ACBD4: variants seen among roughly 807,000 people sequenced by gnomAD.
ACBD4 encodes the protein acyl-CoA-binding domain-containing protein 4.
Under a neutral mutation model 46.0 loss-of-function variants are expected in ACBD4, and 41 were observed. That is an observed-to-expected ratio of 0.89 (90% CI 0.69 to 1.16). The LOEUF (loss-of-function observed/expected upper bound fraction) is 1.16. Among genes scored for constraint, ACBD4 ranks in the 50% most tolerant of loss-of-function variants. The probability of loss-of-function intolerance (pLI) is 0.00; values close to 1 mark genes in which losing one functional copy is unlikely to be tolerated. For missense variants in ACBD4, 393 were observed against 399.5 expected (o/e 0.98, Z 0.14); for synonymous variants, 162 against 155.9 (o/e 1.04, Z -0.29).
chr17:45,131,913 TG>T (rs200066244), upstream of ACBD4, among the ~76,000 whole-genome samples: 3,039 of 152,124 alleles, frequency 0.02, 46 homozygotes, highest in Middle Eastern at 0.058. Context: ...TAGATACTGC[TG>T]GGGAGCCGGA....
At chr17:45,137,635 G>C (rs2054945384) in intron 6 of ACBD4, 125 bp from the exon 7 acceptor site, 3 of 1,341,730 alleles carry the variant, frequency 2.2e-6, no homozygotes, top group Non-Finnish European at 3.2e-6. Context: ...CTGTGCCTCA[G>C]GTGTTGATAT....
rs756615556 is a variant in ACBD4, at chr17:45,137,376, G to C, written c.424G>C (p.Glu142Gln). 1.9e-6 allele frequency: 3 copies of C among 1,614,034 alleles called. No homozygotes were observed. Among genetic ancestry groups the C allele is most frequent in the East Asian group, 2.2e-5 (1 of 44,890 alleles). The change falls in exon 6 of 10, where the codon GAG becomes CAG. Residue 142 changes from glutamate to glutamine, a missense_variant. By Grantham distance (29) the Glu-to-Gln change is conservative. Transcript: ENST00000321854. ...GTGCTGTGTCTTGGCAGGTTGGAAA[G>C]AGCAGGTTGTGAATGGAGATGTTGG... The part of the protein sequence containing the change: ...TFLRRVTGWK[E>Q]QVVNGDVGAV...
chr17:45,142,805 C>T (rs2055376585), intron 9 of ACBD4: 1 of 154,350 alleles, frequency 6.5e-6, no homozygotes, highest in Non-Finnish European at 1.4e-5. Flanking sequence ...GACCACCTGC[C>T]TCGGCCTCCC....
intron 6 of ACBD4, 133 bp from the exon 7 acceptor site, chr17:45,137,627 G>C: frequency 1.5e-6 from 2 of 1,324,944 alleles, no homozygotes; most frequent in Non-Finnish European, 2.2e-6. Flanking sequence ...GCGCCCATCT[G>C]TGCCTCAGGT....
At chr17:45,132,373 G>A, upstream of ACBD4, 1 of 1,228,160 alleles carries the variant, frequency 8.1e-7, no homozygotes, top group Non-Finnish European at 1.0e-6. The surrounding 1 kb of genome is among the most constrained non-coding windows in gnomAD (Gnocchi z 4.6). Flanking sequence ...GGGCTCCTCG[G>A]GCGGGCGGCG....
intron 9 of ACBD4, among the ~76,000 whole-genome samples, chr17:45,139,648 C>G (rs573799448): frequency 1.3e-5 from 2 of 152,200 alleles, no homozygotes; most frequent in African/African-American, 2.4e-5. Flanking sequence ...CCGCTGGGTG[C>G]GAAACACTCA....
upstream of ACBD4, chr17:45,135,461 CA>C (rs962280845): frequency 5.3e-5 from 8 of 151,622 alleles, no homozygotes; most frequent in African/African-American, 1.9e-4. Flanking sequence ...CTATGTGCAC[CA>C]GGGGGCGCTG....
rs1049454890 is a variant in ACBD4 at position 45,138,139 on chromosome 17, A to G, written c.649+151A>G. The G allele has an allele frequency of 6.0e-6, 5 of 835,020 alleles. No individual in the cohort carries two copies. In the African/African-American group the frequency reaches 8.5e-5, roughly 14 times the overall value. 51.7% of individuals were successfully genotyped at this position (835,020 alleles called of 1,614,324 possible). ...CTCTGTCCAGGAAGGGCTGCCAACCAGCCAGATACCTGCCTGGATGGGCAA... is the reference window on the plus strand; with the variant it reads ...CTCTGTCCAGGAAGGGCTGCCAACCGGCCAGATACCTGCCTGGATGGGCAA... On this transcript the variant is annotated intron_variant, in intron 8 of 9. Coordinates refer to ENST00000321854, the MANE Select transcript of ACBD4 (RefSeq NM_001135705.3).
chr17:45,132,157 G>C, upstream of ACBD4: 1 of 1,192,386 alleles, frequency 8.4e-7, no homozygotes, highest in Non-Finnish European at 1.0e-6. This position sits in a 1 kb window ranked among gnomAD's most constrained non-coding sequence, Gnocchi z 4.6. Flanking sequence ...CGTGCAGCCT[G>C]GGGAATCCAC....
chr17:45,143,708 G>A lies in ACBD4; in HGVS notation c.*137G>A. The A allele has an allele frequency of 6.9e-7, 1 of 1,456,302 alleles. No homozygotes were observed. The highest frequency in any genetic ancestry group is 9.4e-7 in the Non-Finnish European group (1 of 1,065,440). The allele number at this position is 1,456,302 out of a possible 1,614,324, so 90.2% of individuals were successfully genotyped here. ...TTCGCACCTCCTCCCCTAAAGCAGC[G>A]CGGGGGGCAAATAAGACCCCACCCC... is the stretch of plus-strand genomic sequence containing the variant. On this transcript the variant is annotated 3_prime_UTR_variant, in exon 10 of 10. Coordinates refer to ENST00000321854, the MANE Select transcript of ACBD4 (RefSeq NM_001135705.3).
upstream of ACBD4, among the ~76,000 whole-genome samples, chr17:45,133,714 G>A (rs1240456899): frequency 1.3e-5 from 2 of 150,862 alleles, no homozygotes; most frequent in Non-Finnish European, 3.0e-5. Flanking sequence ...TGTATTTTTA[G>A]TAGAGACGGG....
Position 45,136,759 on chromosome 17 carries a change from A to G in ACBD4, c.277A>G (p.Lys93Glu), listed in dbSNP as rs1395589665. The change falls in exon 4 of 10, where the codon AAA (lysine) becomes GAA (glutamate). Residue 93 changes from lysine (K) to glutamate (E), a missense_variant. Lys to Glu is a moderately conservative substitution (Grantham distance 56). Around this residue, in one of 3 missense-constraint regions of ACBD4, gnomAD observed 308 missense variants for 301.8 expected, o/e 1.02. Transcript: ENST00000321854. ...EAMSAYITEM[K>E]LVAQKVIDTV... ...CATGTCTGCCTACATCACTGAAATG[A>G]AACTGGTGGCACAGAAGGTAAGGGC... 1 of 1,613,562 alleles carries G rather than the reference A, an allele frequency of 6.2e-7. No homozygotes were observed. Among genetic ancestry groups the G allele is most frequent in the East Asian group, 2.2e-5 (1 of 44,890 alleles).
Position 45,143,665 on chromosome 17 carries a change from G to C in ACBD4, c.*94G>C, listed in dbSNP as rs756615617. Reference sequence around the variant, plus strand: ...AGAAGAACAGCATTCAAAATTCCCCGTCCTGTCAGTGTTTGCCTTCGCACC... The same window carrying C: ...AGAAGAACAGCATTCAAAATTCCCCCTCCTGTCAGTGTTTGCCTTCGCACC... On this transcript the variant is annotated 3_prime_UTR_variant, in exon 10 of 10. Coordinates refer to ENST00000321854, the MANE Select transcript of ACBD4 (RefSeq NM_001135705.3). 6.2e-7 allele frequency: 1 copy of C among 1,602,924 alleles called. No homozygotes were observed. Among genetic ancestry groups the C allele is most frequent in the African/African-American group, 1.3e-5 (1 of 74,672 alleles).
rs2054810741 is a variant in ACBD4 at position 45,136,149 on chromosome 17, G to A, written c.5G>A (p.Gly2Asp). The A allele has an allele frequency of 1.9e-6, 3 of 1,613,104 alleles. No individual in the cohort carries two copies. Among genetic ancestry groups the A allele is most frequent in the African/African-American group, 1.3e-5 (1 of 74,898 alleles). The change falls in exon 2 of 10, where the codon GGC becomes GAC. Residue 2 changes from glycine to aspartate, a missense_variant. By Grantham distance (94) the Gly-to-Asp change is moderately conservative. Around this residue, in one of 3 missense-constraint regions of ACBD4, gnomAD observed 61 missense variants for 50.3 expected, o/e 1.21. Transcript: ENST00000321854. MGTEKESPEPDC... is the reference protein window; with the variant it reads MDTEKESPEPDC... ...GGCCCCAGGGCTCGCAGCAGCATGGGCACCGAGAAAGAAAGCCCAGAGCCC... is the reference window on the plus strand; with the variant it reads ...GGCCCCAGGGCTCGCAGCAGCATGGACACCGAGAAAGAAAGCCCAGAGCCC...
chr17:45,139,267 C>T lies in ACBD4; in HGVS notation c.789+107C>T. 2.6e-6 allele frequency: 3 copies of T among 1,142,376 alleles called. No individual in the cohort carries two copies. The East Asian group carries it at 7.4e-5, about 28-fold the overall frequency. 70.8% of individuals were successfully genotyped at this position (1,142,376 alleles called of 1,614,324 possible). A position where few individuals can be genotyped will look rare whatever the true frequency, so the allele number is the denominator to read the frequency against. On this transcript the variant is annotated intron_variant, in intron 9 of 9. Transcript: ENST00000321854. ...TTGTCCTCACGCCTCCACCTGCCCACATCTCTCTCCAGAGAATGGCATGGC... is the reference window on the plus strand; with the variant it reads ...TTGTCCTCACGCCTCCACCTGCCCATATCTCTCTCCAGAGAATGGCATGGC...
chr17:45,132,581 G>A, upstream of ACBD4: 1 of 199,430 alleles, frequency 5.0e-6, no homozygotes, highest in South Asian at 1.9e-4. This position sits in a 1 kb window ranked among gnomAD's most constrained non-coding sequence, Gnocchi z 4.6. Flanking sequence ...GGGCGGGAAG[G>A]GAAGGGGGCG....
chr17:45,139,011 T>C lies in ACBD4; in HGVS notation c.650-10T>C, dbSNP rs1227574130. The stretch of plus-strand genomic sequence containing the variant: ...CTGAGCCCCCTTCCCTGTGTGTCTG[T>C]GCTCCGCAGAGGGGTTGCGGGGCAG... On this transcript the variant is annotated splice_polypyrimidine_tract_variant and intron_variant, in intron 8 of 9. Transcript: ENST00000321854. 1 of 1,612,262 alleles carries C rather than the reference T, an allele frequency of 6.2e-7. No individual in the cohort carries two copies. The highest frequency in any genetic ancestry group is 8.5e-7 in the Non-Finnish European group (1 of 1,179,882).
In ACBD4 at chr17:45,136,767, G is replaced by A. The variant is rs1340493307; in HGVS notation, c.285G>A (p.Val95=). ...CCTACATCACTGAAATGAAACTGGT[G>A]GCACAGAAGGTAAGGGCTGCAGGTT... is the stretch of plus-strand genomic sequence containing the variant. ...MSAYITEMKL[V]AQKVIDTVPL... Residue 95 remains valine (V), a synonymous_variant, in exon 4 of 10, where the codon GTG becomes GTA. Transcript: ENST00000321854. 3.1e-6 allele frequency: 5 copies of A among 1,613,300 alleles called. No homozygotes were observed. The highest frequency in any genetic ancestry group is 1.7e-5 in the Admixed American group (1 of 60,020).
chr17:45,136,662 A>G, intron 3 of ACBD4, 30 bp from the exon 4 acceptor site: 1 of 1,614,064 alleles, frequency 6.2e-7, no homozygotes, highest in Non-Finnish European at 8.5e-7. Flanking sequence ...TCAGCTGTCA[A>G]GCAGCCCTCT....
Sources: gnomAD v4.1 joint callset for allele counts (sites outside exome capture counted in the v4.1 genomes callset) on GRCh38, gnomAD v4.1.1 for gene constraint, gnomAD v4.1.1 regional missense constraint, Gnocchi (gnomAD v3.1) non-coding constraint, MANE v1.5 for transcripts, NCBI Gene and HGNC (gene_info 2026-07-23, HGNC 2026-07-21) for gene names.